The following MRPS14 variants were observed in gnomAD, a reference collection of about 807,000 sequenced individuals.
The protein encoded by MRPS14 is small ribosomal subunit protein uS14m.
Under a neutral mutation model 16.4 loss-of-function variants are expected in MRPS14, and 14 were observed. The observed-to-expected ratio is 0.85, with a 90% CI of 0.56 to 1.33. MRPS14 has a LOEUF of 1.33. Ranked by LOEUF, MRPS14 falls within the 40% of genes most tolerant of loss-of-function variation. The probability of loss-of-function intolerance (pLI) is 0.00; values close to 1 mark genes in which losing one functional copy is unlikely to be tolerated. For synonymous variants in MRPS14, 54 were observed against 61.9 expected (o/e 0.87, Z 0.60); for missense variants, 162 against 176.8 (o/e 0.92, Z 0.48).
chr1:175,017,083 C>G (rs924526585), intron 2 of MRPS14, among the ~76,000 whole-genome samples: 2 of 151,502 alleles, frequency 1.3e-5, no homozygotes, highest in Non-Finnish European at 2.9e-5. Flanking sequence ...GAGACACAGT[C>G]TTGCTCTGTC....
chr1:175,019,482 G>T (rs1266981598), intron 1 of MRPS14, among the ~76,000 whole-genome samples: 2 of 152,008 alleles, frequency 1.3e-5, no homozygotes, highest in African/African-American at 2.4e-5. Context: ...TTTTAGTAGA[G>T]ATGGGGTTTC....
chr1:175,014,779 T>TA lies in MRPS14; in HGVS notation c.276dup (p.Met93TyrfsTer15). The TA allele has an allele frequency of 6.2e-7, 1 of 1,614,092 alleles. No homozygotes were observed. Among genetic ancestry groups the TA allele is most frequent in the Non-Finnish European group, 8.5e-7 (1 of 1,180,008 alleles). The stretch of plus-strand genomic sequence containing the variant: ...TTCACACCACGCGGACGGGACGTCA[T>TA]AACACACCGATTTCTGATTCTAACA... On this transcript the variant is annotated frameshift_variant, in exon 3 of 3. Transcript: ENST00000476371. LOFTEE classifies it high-confidence loss of function.
At chr1:175,016,208 CAAAA>C (rs903007703) in intron 2 of MRPS14, among the ~76,000 whole-genome samples, 10 of 142,790 alleles carry the variant, frequency 7.0e-5, no homozygotes, top group South Asian at 4.5e-4. Flanking sequence ...AAAAAAAAAA[CAAAA>C]AAAAACCATG....
rs1321242157 is a variant in MRPS14, at chr1:175,013,906, TC to T, written c.*762del. 1 of 152,238 alleles carries T rather than the reference TC, an allele frequency of 6.6e-6. No homozygotes were observed. The highest frequency in any genetic ancestry group is 1.9e-4 in the East Asian group (1 of 5,202). 9.4% of individuals were successfully genotyped at this position (152,238 alleles called of 1,614,324 possible). A position where few individuals can be genotyped will look rare whatever the true frequency, so the allele number is the denominator to read the frequency against. Reference sequence around the variant, plus strand: ...ATTTTCCTGATGTTAAGTAGGTACTTCCATTCAGTATGTATATTTTTATCAC... The same window carrying T: ...ATTTTCCTGATGTTAAGTAGGTACTTCATTCAGTATGTATATTTTTATCAC... On this transcript the variant is annotated 3_prime_UTR_variant, in exon 3 of 3. Transcript: ENST00000476371.
chr1:175,020,299 G>A (rs12074785), intron 1 of MRPS14, among the ~76,000 whole-genome samples: 27 of 152,244 alleles, frequency 1.8e-4, no homozygotes, highest in African/African-American at 4.6e-4. Flanking sequence ...CAAAGAAACC[G>A]TTCACATTGA....
chr1:175,016,554 T>G (rs567246210), intron 2 of MRPS14, among the ~76,000 whole-genome samples: 1 of 152,220 alleles, frequency 6.6e-6, no homozygotes, highest in East Asian at 1.9e-4. Context: ...TCAGTTTACA[T>G]GATTCACAGA....
intron 1 of MRPS14, among the ~76,000 whole-genome samples, chr1:175,020,597 C>A (rs1031998704): frequency 1.3e-5 from 2 of 152,054 alleles, no homozygotes; most frequent in African/African-American, 4.8e-5. Context: ...CAACCTTTGC[C>A]TCCCAGGTTC....
chr1:175,013,568 T>G lies in MRPS14; in HGVS notation c.*1101A>C, dbSNP rs145829491. 2.4e-4 allele frequency: 36 copies of G among 152,364 alleles called. No homozygotes were observed. The East Asian group carries it at 6.7e-3, about 29-fold the overall frequency. 9.4% of individuals were successfully genotyped at this position (152,364 alleles called of 1,614,324 possible). On this transcript the variant is annotated 3_prime_UTR_variant, in exon 3 of 3. Transcript: ENST00000476371. Reference sequence around the variant, plus strand: ...CAACTAAGACATCCTCCTAACTGGTTGTCTTGCCTGTAGCTTTTTCCTCTC... The same window carrying G: ...CAACTAAGACATCCTCCTAACTGGTGGTCTTGCCTGTAGCTTTTTCCTCTC...
At chr1:175,020,490 C>T (rs375002012) in intron 1 of MRPS14, among the ~76,000 whole-genome samples, 6 of 151,976 alleles carry the variant, frequency 3.9e-5, no homozygotes, top group East Asian at 1.9e-4. Flanking sequence ...TTTTTTCTTA[C>T]TAGAAAAGTA....
In MRPS14 at chr1:175,013,213, G is replaced by C. The variant is rs1672812582; in HGVS notation, c.*1456C>G. 1 of 152,162 alleles carries C rather than the reference G, an allele frequency of 6.6e-6. No homozygotes were observed. Among genetic ancestry groups the C allele is most frequent in the African/African-American group, 2.4e-5 (1 of 41,434 alleles). The allele number at this position is 152,162 out of a possible 1,614,324, so 9.4% of individuals were successfully genotyped here. ...CCCTCATAACTTCACCTCCACCTGAGTTTCGGACTCTGCTATCCAGCTGCG... is the reference window on the plus strand; with the variant it reads ...CCCTCATAACTTCACCTCCACCTGACTTTCGGACTCTGCTATCCAGCTGCG... On this transcript the variant is annotated 3_prime_UTR_variant, in exon 3 of 3. Transcript: ENST00000476371.
chr1:175,014,521 T>TAAG lies in MRPS14; in HGVS notation c.*147_*148insCTT. On this transcript the variant is annotated 3_prime_UTR_variant, in exon 3 of 3. Coordinates refer to ENST00000476371, the MANE Select transcript of MRPS14 (RefSeq NM_022100.3). ...ATGAAACACCCAAATGTCTTCATTT[T>TAAG]AAAAGTAGTTTAGAGATAGCATCAG... is the stretch of plus-strand genomic sequence containing the variant. 3.0e-6 allele frequency: 2 copies of TAAG among 672,612 alleles called. No individual in the cohort carries two copies. The highest frequency in any genetic ancestry group is 4.7e-6 in the Non-Finnish European group (2 of 427,056). 41.7% of individuals were successfully genotyped at this position (672,612 alleles called of 1,614,324 possible). A position where few individuals can be genotyped will look rare whatever the true frequency, so the allele number is the denominator to read the frequency against.
intron 1 of MRPS14, 125 bp downstream of exon 1, chr1:175,023,239 G>A (rs1361572420): frequency 1.3e-6 from 2 of 1,551,666 alleles, no homozygotes; most frequent in South Asian, 1.2e-5. Context: ...GCGCGGAAGA[G>A]GGCGGAAGGA....
intron 1 of MRPS14, 151 bp downstream of exon 1, chr1:175,023,213 C>G (rs1415536351): frequency 1.3e-6 from 2 of 1,540,958 alleles, no homozygotes; most frequent in Non-Finnish European, 8.8e-7. Context: ...TCGGACCTCC[C>G]CTGAACCAAG....
At position 175,013,267 on chromosome 1, in the gene MRPS14, T is replaced by C. The variant is rs1237445175; in HGVS notation, c.*1402A>G. 6.6e-6 allele frequency: 1 copy of C among 152,220 alleles called. No individual in the cohort carries two copies. The highest frequency in any genetic ancestry group is 1.9e-4 in the East Asian group (1 of 5,198). 9.4% of individuals were successfully genotyped at this position (152,220 alleles called of 1,614,324 possible). A position where few individuals can be genotyped will look rare whatever the true frequency, so the allele number is the denominator to read the frequency against. On this transcript the variant is annotated 3_prime_UTR_variant, in exon 3 of 3. Transcript: ENST00000476371. ...TAGTCTTCATCAGATGACACAGGCA[T>C]CTCCAACACCGCATGACTGGAACCT... is the stretch of plus-strand genomic sequence containing the variant.
intron 1 of MRPS14, among the ~76,000 whole-genome samples, chr1:175,019,170 C>A (rs1044543695): frequency 1.3e-5 from 2 of 152,128 alleles, no homozygotes; most frequent in African/African-American, 4.8e-5. Context: ...TAACCTGCCA[C>A]GTATTGCTGG....
chr1:175,023,393 G>A lies in MRPS14; in HGVS notation c.16C>T (p.Leu6=). The change falls in exon 1 of 3, where the codon CTG becomes TTG. Residue 6 remains leucine, a synonymous_variant. Coordinates refer to ENST00000476371, the MANE Select transcript of MRPS14 (RefSeq NM_022100.3). ...TTGAACGTCCGCAGCAGCGAGCCCA[G>A]CATGAAGGCCGCCATGTTGTCCGCT... The part of the protein sequence containing the change: MAAFM[L]GSLLRTFKQM... The A allele has an allele frequency of 6.2e-7, 1 of 1,614,074 alleles. No individual in the cohort carries two copies. The highest frequency in any genetic ancestry group is 2.2e-5 in the East Asian group (1 of 44,898).
chr1:175,015,320 G>T (rs112381137), intron 2 of MRPS14, among the ~76,000 whole-genome samples: 1 of 152,124 alleles, frequency 6.6e-6, no homozygotes, highest in African/African-American at 2.4e-5. Context: ...GTCATCTTAC[G>T]ATTTGGGCGA....
In MRPS14 at chr1:175,023,412, G is replaced by C. The variant is rs1673017895; in HGVS notation, c.-4C>G. On this transcript the variant is annotated 5_prime_UTR_variant, in exon 1 of 3. Transcript: ENST00000476371. Reference sequence around the variant, plus strand: ...AGCCCAGCATGAAGGCCGCCATGTTGTCCGCTACAAACTACAAACCGCTGA... The same window carrying C: ...AGCCCAGCATGAAGGCCGCCATGTTCTCCGCTACAAACTACAAACCGCTGA... 1 of 1,614,162 alleles carries C rather than the reference G, an allele frequency of 6.2e-7. No individual in the cohort carries two copies. The highest frequency in any genetic ancestry group is 1.1e-5 in the South Asian group (1 of 91,076).
chr1:175,023,197 T>A, intron 1 of MRPS14, 167 bp downstream of exon 1: 1 of 1,498,736 alleles, frequency 6.7e-7, no homozygotes, highest in Non-Finnish European at 8.9e-7. Context: ...AATTGACATC[T>A]GCAGCTCGGA....
Sources: allele counts gnomAD v4.1 joint callset (sites outside exome capture counted in the v4.1 genomes callset), GRCh38; gene constraint gnomAD v4.1.1; transcripts MANE v1.5; gene names NCBI Gene and HGNC (gene_info 2026-07-23, HGNC 2026-07-21).